The following RPTOR variants were observed in gnomAD, a reference collection of about 807,000 sequenced individuals.
RPTOR encodes regulatory-associated protein of mTOR.
Under a neutral mutation model 169.9 loss-of-function variants are expected in RPTOR, and 21 were observed. That is an observed-to-expected ratio of 0.12 (90% CI 0.09 to 0.18). RPTOR has a LOEUF of 0.18. Ranked by LOEUF, RPTOR falls within the 10% of genes least tolerant of loss-of-function variation. RPTOR has a pLI of 1.00. For missense variants in RPTOR, 1,133 were observed against 1,855.9 expected, an observed-to-expected ratio of 0.61 and a Z score of 7.16; for synonymous variants, 732 against 753.2, an observed-to-expected ratio of 0.97 and a Z score of 0.46.
At chr17:80,772,867 G>A (rs1240122740) in intron 6 of RPTOR, among the ~76,000 whole-genome samples, 1 of 152,150 alleles carries the variant, frequency 6.6e-6, no homozygotes, top group East Asian at 1.9e-4. Context: ...GGTAAGTGGT[G>A]GCAGCCGGAC....
intron 5 of RPTOR, among the ~76,000 whole-genome samples, chr17:80,742,974 T>C (rs2143264914): frequency 6.6e-6 from 1 of 152,244 alleles, no homozygotes; most frequent in Non-Finnish European, 1.5e-5. Context: ...TTTGGTGCCA[T>C]GCCGCAGCAC....
intron 7 of RPTOR, among the ~76,000 whole-genome samples, chr17:80,800,040 G>A (rs991957329): frequency 1.3e-5 from 2 of 152,216 alleles, no homozygotes; most frequent in African/African-American, 4.8e-5. Context: ...TTGGGTAAGT[G>A]CACGGCAGGT....
chr17:80,709,453 T>C (rs989402860), intron 4 of RPTOR, among the ~76,000 whole-genome samples: 1 of 152,176 alleles, frequency 6.6e-6, no homozygotes, highest in African/African-American at 2.4e-5. Flanking sequence ...TCGCTGCTGA[T>C]ACGCTGGGCG....
intron 33 of RPTOR, 73 bp from the exon 34 acceptor site, chr17:80,964,189 G>C: frequency 8.5e-7 from 1 of 1,169,794 alleles, no homozygotes. Context: ...ATGCGGGTTG[G>C]CCTGCGCCCC....
chr17:80,815,460 C>T (rs550290045), intron 7 of RPTOR, among the ~76,000 whole-genome samples: 97 of 152,348 alleles, frequency 6.4e-4, no homozygotes, highest in Non-Finnish European at 1.0e-3. Flanking sequence ...CCCTGTACCG[C>T]GCTTTTTCCT....
intron 21 of RPTOR, among the ~76,000 whole-genome samples, chr17:80,914,302 G>A (rs932248500): frequency 6.6e-6 from 1 of 152,250 alleles, no homozygotes; most frequent in African/African-American, 2.4e-5. Context: ...CAGCCACCCA[G>A]CCACAACTCT....
intron 2 of RPTOR, 85 bp from the exon 3 acceptor site, chr17:80,643,643 A>G: frequency 1.0e-6 from 1 of 987,112 alleles, no homozygotes; most frequent in Non-Finnish European, 1.5e-6. Context: ...GAAGTGTGTT[A>G]TATAAGGAGA....
intron 17 of RPTOR, among the ~76,000 whole-genome samples, chr17:80,888,976 G>A (rs1471730354): frequency 5.9e-5 from 9 of 152,244 alleles, no homozygotes; most frequent in Non-Finnish European, 1.5e-5. Context: ...CAAGAGGCCA[G>A]GAGGGCAGTG....
At chr17:80,888,607 G>A (rs1395882087) in intron 17 of RPTOR, among the ~76,000 whole-genome samples, 1 of 152,350 alleles carries the variant, frequency 6.6e-6, no homozygotes, top group East Asian at 1.9e-4. Context: ...GGCCCCCAGC[G>A]GGGCAGGACA....
chr17:80,757,334 T>C (rs1054635899), intron 6 of RPTOR, among the ~76,000 whole-genome samples: 26 of 152,310 alleles, frequency 1.7e-4, no homozygotes, highest in African/African-American at 6.3e-4. Context: ...GAAGACCCTC[T>C]TGAGGGCACC....
intron 5 of RPTOR, among the ~76,000 whole-genome samples, chr17:80,753,196 T>G (rs2066646062): frequency 6.6e-6 from 1 of 152,214 alleles, no homozygotes; most frequent in African/African-American, 2.4e-5. Context: ...TGTTTTTCAG[T>G]CTCTTTTGAT....
At chr17:80,734,171 A>G (rs2066415768) in intron 5 of RPTOR, among the ~76,000 whole-genome samples, 6 of 151,866 alleles carry the variant, frequency 4.0e-5, no homozygotes. Context: ...CTTTTCCTGG[A>G]CATTTCCTCT....
rs555635552 is a variant in RPTOR, at chr17:80,659,654, G to T, written c.348+15844G>T. On this transcript the variant is annotated intron_variant, in intron 3 of 33. Transcript: ENST00000306801. This position sits in a 1 kb window ranked among gnomAD's most constrained non-coding sequence, Gnocchi z 4.3. ...CCCAAGTAGCTGGGACTACGGGCACGCACCAGCACACTCGGCTAATTTCTG... is the reference window on the plus strand; with the variant it reads ...CCCAAGTAGCTGGGACTACGGGCACTCACCAGCACACTCGGCTAATTTCTG... 3.3e-5 allele frequency among the ~76,000 whole-genome samples: 5 copies of T among 151,854 alleles called. No individual in the cohort carries two copies. The highest frequency in any genetic ancestry group is 3.3e-4 in the Admixed American group (5 of 15,258).
chr17:80,715,504 G>C (rs2143133046), intron 4 of RPTOR, among the ~76,000 whole-genome samples: 1 of 151,908 alleles, frequency 6.6e-6, no homozygotes, highest in Non-Finnish European at 1.5e-5. Flanking sequence ...AAGCTCTTAA[G>C]ATAGTGTCTG....
chr17:80,743,679 C>G (rs2066508308), intron 5 of RPTOR, among the ~76,000 whole-genome samples: 1 of 135,724 alleles, frequency 7.4e-6, no homozygotes, highest in Non-Finnish European at 1.7e-5. Context: ...GGGCACAGCC[C>G]TGGCTACTAG....
intron 24 of RPTOR, among the ~76,000 whole-genome samples, chr17:80,926,107 C>T (rs2068808780): frequency 6.6e-6 from 1 of 151,892 alleles, no homozygotes; most frequent in African/African-American, 2.4e-5. Flanking sequence ...AAACCTGCCT[C>T]TTCCCTCATA....
intron 13 of RPTOR, among the ~76,000 whole-genome samples, chr17:80,859,544 C>G (rs2143759664): frequency 6.6e-6 from 1 of 152,318 alleles, no homozygotes; most frequent in South Asian, 2.1e-4. Flanking sequence ...CCAAGTCAGT[C>G]TTGCTCTGGG....
At chr17:80,905,720 G>A (rs1018196886) in intron 20 of RPTOR, among the ~76,000 whole-genome samples, 10 of 152,240 alleles carry the variant, frequency 6.6e-5, no homozygotes, top group African/African-American at 1.4e-4. Flanking sequence ...CCTAGACCCC[G>A]GGTGTCCGCG....
In RPTOR at chr17:80,961,105, C is replaced by T. The variant is rs542124565; in HGVS notation, c.3606-289C>T. ...AGCGCTGCGATGGCCGCCTGGCCCCCGTCTCTGGGCAGCTTCCATGTGGCT... is the reference window on the plus strand; with the variant it reads ...AGCGCTGCGATGGCCGCCTGGCCCCTGTCTCTGGGCAGCTTCCATGTGGCT... On this transcript the variant is annotated intron_variant, in intron 30 of 33. Transcript: ENST00000306801. The T allele has an allele frequency of 1.4e-3, 623 of 432,986 alleles. 6 individuals carry two copies. The highest frequency in any genetic ancestry group is 0.011 in the African/African-American group (556 of 50,368). 26.8% of individuals were successfully genotyped at this position (432,986 alleles called of 1,614,324 possible).
Sources: gnomAD v4.1 joint callset for allele counts (sites outside exome capture counted in the v4.1 genomes callset) on GRCh38, gnomAD v4.1.1 for gene constraint, Gnocchi (gnomAD v3.1) non-coding constraint, MANE v1.5 for transcripts, NCBI Gene and HGNC (gene_info 2026-07-23, HGNC 2026-07-21) for gene names.